KCNK9: variants seen among roughly 807,000 people sequenced by gnomAD.
The protein encoded by KCNK9 is potassium channel subfamily K member 9.
KCNK9 carries 1 observed loss-of-function variant against 10.8 expected under a neutral mutation model. The observed-to-expected ratio is 0.09, with a 90% CI of 0.03 to 0.44. The LOEUF (loss-of-function observed/expected upper bound fraction) is 0.44. Ranked by LOEUF, KCNK9 falls within the 20% of genes least tolerant of loss-of-function variation. The probability of loss-of-function intolerance (pLI) is 0.97; values close to 1 mark genes in which losing one functional copy is unlikely to be tolerated. For missense variants in KCNK9, 303 were observed against 515.0 expected, an observed-to-expected ratio of 0.59 and a Z score of 3.98; for synonymous variants, 231 against 222.7, an observed-to-expected ratio of 1.04 and a Z score of -0.33.
At chr8:139,660,829 C>G (rs1586672384) in intron 1 of KCNK9, among the ~76,000 whole-genome samples, 2 of 152,134 alleles carry the variant, frequency 1.3e-5, no homozygotes, top group East Asian at 3.9e-4. Context: ...AATTAAAGCT[C>G]AGAGAGGTCA....
At chr8:139,624,540 C>G (rs970377827) in intron 1 of KCNK9, among the ~76,000 whole-genome samples, 2 of 152,188 alleles carry the variant, frequency 1.3e-5, no homozygotes, top group African/African-American at 4.8e-5. Flanking sequence ...CTCCCCTGGC[C>G]TGCTCAGCTT....
chr8:139,677,774 G>A (rs1365645897), intron 1 of KCNK9, among the ~76,000 whole-genome samples: 4 of 137,998 alleles, frequency 2.9e-5, no homozygotes, highest in African/African-American at 6.5e-5. Flanking sequence ...TGATCCCAAT[G>A]TGTCCCCATG....
intron 1 of KCNK9, among the ~76,000 whole-genome samples, chr8:139,644,046 A>C (rs1008221303): frequency 6.6e-6 from 1 of 152,200 alleles, no homozygotes; most frequent in African/African-American, 2.4e-5. Context: ...CTGTTGCTGA[A>C]ATAACTATAA....
At chr8:139,631,938 C>T (rs574814534) in intron 1 of KCNK9, among the ~76,000 whole-genome samples, 1 of 152,180 alleles carries the variant, frequency 6.6e-6, no homozygotes, top group Non-Finnish European at 1.5e-5. Flanking sequence ...AGGCAGAGTT[C>T]ACCCTGGAAG....
intron 1 of KCNK9, among the ~76,000 whole-genome samples, chr8:139,675,623 A>G (rs1329287816): frequency 6.6e-6 from 1 of 152,114 alleles, no homozygotes; most frequent in Admixed American, 6.5e-5. Context: ...GAGAAATCAA[A>G]TGCTGTTGTT....
intron 1 of KCNK9, among the ~76,000 whole-genome samples, chr8:139,698,596 T>C (rs1817122622): frequency 6.6e-6 from 1 of 152,182 alleles, no homozygotes; most frequent in Non-Finnish European, 1.5e-5. Flanking sequence ...GACTGCACCC[T>C]GGACTGCAAC....
At chr8:139,677,881 GGAA>G (rs1816596735) in intron 1 of KCNK9, among the ~76,000 whole-genome samples, 2 of 141,704 alleles carry the variant, frequency 1.4e-5, no homozygotes, top group Non-Finnish European at 3.0e-5. Flanking sequence ...TGGCTGCAGA[GGAA>G]TGCCTCACAT....
intron 1 of KCNK9, among the ~76,000 whole-genome samples, chr8:139,700,383 C>G: frequency 6.6e-6 from 1 of 152,010 alleles, no homozygotes; most frequent in East Asian, 1.9e-4. Context: ...ACACTATGGC[C>G]GAATTCAGAT....
At chr8:139,603,674 T>C (rs200793658) in intron 2 of KCNK9, among the ~76,000 whole-genome samples, 1 of 152,130 alleles carries the variant, frequency 6.6e-6, no homozygotes, top group East Asian at 1.9e-4. Context: ...AGACGAGGCA[T>C]CAGAGCAGGT....
chr8:139,651,133 T>C (rs1381312159), intron 1 of KCNK9, among the ~76,000 whole-genome samples: 1 of 152,170 alleles, frequency 6.6e-6, no homozygotes, highest in Non-Finnish European at 1.5e-5. Context: ...CCCTTCTGCT[T>C]CTTCCCAGCT....
downstream of KCNK9, among the ~76,000 whole-genome samples, chr8:139,610,943 G>C (rs1814405069): frequency 6.6e-6 from 1 of 152,216 alleles, no homozygotes; most frequent in African/African-American, 2.4e-5. Flanking sequence ...CGCACCCCTG[G>C]GCCTTGGCCC....
chr8:139,692,206 C>A (rs763116411), intron 1 of KCNK9, among the ~76,000 whole-genome samples: 2 of 152,224 alleles, frequency 1.3e-5, no homozygotes, highest in African/African-American at 4.8e-5. Flanking sequence ...CCCCACGCTT[C>A]GCAACCAAGA....
intron 1 of KCNK9, among the ~76,000 whole-genome samples, chr8:139,640,474 C>G (rs762597773): frequency 3.3e-5 from 5 of 152,214 alleles, no homozygotes; most frequent in Non-Finnish European, 7.3e-5. Flanking sequence ...GGGTCCTCCC[C>G]TAGCCACCCT....
At chr8:139,632,043 G>C (rs1055205675) in intron 1 of KCNK9, among the ~76,000 whole-genome samples, 3 of 152,204 alleles carry the variant, frequency 2.0e-5, no homozygotes, top group African/African-American at 7.2e-5. Flanking sequence ...CATAAAACCC[G>C]ATGCCTCTTG....
intron 1 of KCNK9, among the ~76,000 whole-genome samples, chr8:139,635,961 A>T (rs1202309511): frequency 6.6e-6 from 1 of 152,210 alleles, no homozygotes; most frequent in African/African-American, 2.4e-5. Flanking sequence ...ATAAGCTTCA[A>T]GTAGATGTGG....
chr8:139,629,621 G>A (rs577422112), intron 1 of KCNK9, among the ~76,000 whole-genome samples: 7 of 152,126 alleles, frequency 4.6e-5, no homozygotes, highest in African/African-American at 9.6e-5. Context: ...CCTGGGAAGC[G>A]TCAGCAAAAG....
intron 1 of KCNK9, among the ~76,000 whole-genome samples, chr8:139,629,674 GA>G (rs1815099127): frequency 6.6e-6 from 1 of 151,954 alleles, no homozygotes; most frequent in South Asian, 2.1e-4. Context: ...ACTCCACAAT[GA>G]AAGGGGGGGA....
intron 1 of KCNK9, among the ~76,000 whole-genome samples, chr8:139,661,903 G>A (rs1816159490): frequency 6.6e-6 from 1 of 152,246 alleles, no homozygotes; most frequent in Non-Finnish European, 1.5e-5. Flanking sequence ...TCTCTGTGAG[G>A]GCCAGCCTCC....
chr8:139,647,521 G>T (rs1348726658), intron 1 of KCNK9, among the ~76,000 whole-genome samples: 3 of 152,198 alleles, frequency 2.0e-5, no homozygotes, highest in Non-Finnish European at 4.4e-5. Flanking sequence ...AGACGTGCAC[G>T]CGGCATGTTC....
Sources: allele counts gnomAD v4.1 joint callset (sites outside exome capture counted in the v4.1 genomes callset), GRCh38; gene constraint gnomAD v4.1.1; transcripts MANE v1.5; gene names NCBI Gene and HGNC (gene_info 2026-07-23, HGNC 2026-07-21).